Variants in ARPIN observed in about 807,000 individuals in gnomAD.
The protein encoded by ARPIN is actin related protein 2/3 complex inhibitor, also known as UPF0552 protein C15orf38.
ARPIN carries 23 observed loss-of-function variants against 25.9 expected under a neutral mutation model. The observed-to-expected ratio is 0.89, with a 90% CI of 0.64 to 1.26. The LOEUF (loss-of-function observed/expected upper bound fraction) is 1.26. ARPIN is among the 50% of genes most tolerant of loss of function. The pLI is 0.00. For missense variants in ARPIN, 333 were observed against 312.2 expected, an observed-to-expected ratio of 1.07 and a Z score of -0.50; for synonymous variants, 126 against 131.4, an observed-to-expected ratio of 0.96 and a Z score of 0.28.
Position 89,902,887 on chromosome 15 carries a change from G to A in ARPIN, c.672+329C>T, listed in dbSNP as rs1008931237. ...CGCATTCAGTTGTTCAACTGCCTCA[G>A]CATGGTTAATGTATTCACTTGAAGT... On this transcript the variant is annotated intron_variant, in intron 5 of 5. Transcript: ENST00000357484. 6 of 1,250,112 alleles carry A rather than the reference G, an allele frequency of 4.8e-6. No homozygotes were observed. The East Asian group carries it at 2.2e-4, about 45-fold the overall frequency. 77.4% of individuals were successfully genotyped at this position (1,250,112 alleles called of 1,614,324 possible). A position where few individuals can be genotyped will look rare whatever the true frequency, so the allele number is the denominator to read the frequency against.
In ARPIN at chr15:89,912,879, G is replaced by T. The variant is rs1161104319; in HGVS notation, c.-44C>A. 1 of 1,481,338 alleles carries T rather than the reference G, an allele frequency of 6.8e-7. No individual in the cohort carries two copies. The highest frequency in any genetic ancestry group is 8.9e-7 in the Non-Finnish European group (1 of 1,122,714). The allele number at this position is 1,481,338 out of a possible 1,614,324, so 91.8% of individuals were successfully genotyped here. A position where few individuals can be genotyped will look rare whatever the true frequency, so the allele number is the denominator to read the frequency against. On this transcript the variant is annotated 5_prime_UTR_variant, in exon 1 of 6. Coordinates refer to ENST00000357484, the MANE Select transcript of ARPIN (RefSeq NM_182616.4). ...ACCCCGGCACAGAGCCGGCGCACTG[G>T]GCTGGGGGCGCGGCGCGGGAAGTGC...
chr15:89,903,009 C>T, intron 5 of ARPIN: 1 of 1,450,630 alleles, frequency 6.9e-7, no homozygotes. Context: ...AGGTTCAGAG[C>T]CACCTACAAG....
chr15:89,904,009 C>A, intron 3 of ARPIN, 26 bp from the exon 4 acceptor site: 2 of 1,576,810 alleles, frequency 1.3e-6, no homozygotes, highest in Middle Eastern at 1.8e-4. Flanking sequence ...GCAGGAGGGT[C>A]ATTATCACTG....
Position 89,901,362 on chromosome 15 carries a change from A to G in ARPIN, c.*433T>C, listed in dbSNP as rs1897017142. 1.0e-5 allele frequency: 2 copies of G among 199,960 alleles called. No individual in the cohort carries two copies. The highest frequency in any genetic ancestry group is 1.0e-5 in the Non-Finnish European group (1 of 98,732). 12.4% of individuals were successfully genotyped at this position (199,960 alleles called of 1,614,324 possible). The stretch of plus-strand genomic sequence containing the variant: ...GTCTCTCCCACCACCTGCCTCTACA[A>G]ACAAAGCTGCTATCCAGGGCCAGGG... On this transcript the variant is annotated 3_prime_UTR_variant, in exon 6 of 6. Coordinates refer to ENST00000357484, the MANE Select transcript of ARPIN (RefSeq NM_182616.4).
At position 89,912,890 on chromosome 15, in the gene ARPIN, C is replaced by T; in HGVS notation, c.-55G>A. On this transcript the variant is annotated 5_prime_UTR_variant, in exon 1 of 6. Coordinates refer to ENST00000357484, the MANE Select transcript of ARPIN (RefSeq NM_182616.4). The stretch of plus-strand genomic sequence containing the variant: ...GAGCCGGCGCACTGGGCTGGGGGCG[C>T]GGCGCGGGAAGTGCTGCAGGACGCG... 1.4e-6 allele frequency: 2 copies of T among 1,467,930 alleles called. No homozygotes were observed. Among genetic ancestry groups the T allele is most frequent in the Admixed American group, 5.1e-5 (2 of 39,038 alleles). 90.9% of individuals were successfully genotyped at this position (1,467,930 alleles called of 1,614,324 possible). A position where few individuals can be genotyped will look rare whatever the true frequency, so the allele number is the denominator to read the frequency against.
intron 2 of ARPIN, among the ~76,000 whole-genome samples, chr15:89,909,031 C>T (rs577734103): frequency 5.1e-4 from 77 of 152,142 alleles, no homozygotes; most frequent in African/African-American, 1.8e-3. Context: ...GCCCGAGGAC[C>T]GCAAATACCA....
rs1455698206 is a variant in ARPIN, at chr15:89,901,265, T to G, written c.*530A>C. On this transcript the variant is annotated 3_prime_UTR_variant, in exon 6 of 6. Coordinates refer to ENST00000357484, the MANE Select transcript of ARPIN (RefSeq NM_182616.4). The stretch of plus-strand genomic sequence containing the variant: ...AGCCCCGCTAACTTCTCTCAGCTGC[T>G]CTGCATTTAGACAAGGGATATTCCC... 6.2e-6 allele frequency: 1 copy of G among 160,950 alleles called. No individual in the cohort carries two copies. Among genetic ancestry groups the G allele is most frequent in the African/African-American group, 2.4e-5 (1 of 41,510 alleles). The allele number at this position is 160,950 out of a possible 1,614,324, so 10.0% of individuals were successfully genotyped here.
intron 1 of ARPIN, chr15:89,912,414 T>G (rs1897240481): frequency 8.8e-7 from 1 of 1,136,338 alleles, no homozygotes; most frequent in South Asian, 3.1e-5. Context: ...GGCAAGTAGC[T>G]GGAGTTTATA....
chr15:89,910,195 C>T (rs1468172407), intron 2 of ARPIN, among the ~76,000 whole-genome samples: 2 of 152,140 alleles, frequency 1.3e-5, no homozygotes, highest in Non-Finnish European at 2.9e-5. Flanking sequence ...TTTTTAGAGA[C>T]CAAGCTCAGT....
In ARPIN at chr15:89,904,092, G is replaced by C; in HGVS notation, c.302-109C>G. ...GAGTGTTTCCAAGCTCAGTCACCCG[G>C]AGGCTGGGACTCAGTGCCCATTCTG... On this transcript the variant is annotated intron_variant, in intron 3 of 5. Coordinates refer to ENST00000357484, the MANE Select transcript of ARPIN (RefSeq NM_182616.4). The C allele has an allele frequency of 1.0e-5, 14 of 1,350,742 alleles. 4 individuals carry two copies. The South Asian group carries it at 1.5e-4, about 14-fold the overall frequency. 83.7% of individuals were successfully genotyped at this position (1,350,742 alleles called of 1,614,324 possible). A position where few individuals can be genotyped will look rare whatever the true frequency, so the allele number is the denominator to read the frequency against.
chr15:89,904,058 G>T, intron 3 of ARPIN, 75 bp from the exon 4 acceptor site: 1 of 1,505,492 alleles, frequency 6.6e-7, no homozygotes, highest in Non-Finnish European at 8.9e-7. Flanking sequence ...CAGGAGCCAG[G>T]TGAGGGCTGA....
intron 3 of ARPIN, among the ~76,000 whole-genome samples, chr15:89,905,989 C>T (rs1160091403): frequency 6.6e-6 from 1 of 152,124 alleles, no homozygotes; most frequent in African/African-American, 2.4e-5. Context: ...CCCTCCATTT[C>T]CCCAAGTCTG....
At chr15:89,908,005 C>G (rs1897153776) in intron 3 of ARPIN, among the ~76,000 whole-genome samples, 1 of 152,166 alleles carries the variant, frequency 6.6e-6, no homozygotes, top group Non-Finnish European at 1.5e-5. Flanking sequence ...AGTTAGAGCC[C>G]AAAGCCAGGT....
At chr15:89,912,663 T>TTTGGCCC in intron 1 of ARPIN, 81 bp downstream of exon 1, 4 of 871,010 alleles carry the variant, frequency 4.6e-6, no homozygotes, top group East Asian at 1.0e-4. Flanking sequence ...CCCACCCGCA[T>TTTGGCCC]CCCACCCCCC....
chr15:89,896,185 G>A lies in ARPIN; in HGVS notation c.*5610C>T, dbSNP rs967704377. ...ATTACAGGCGTGAGCCACTGCGCCC[G>A]GCATGGCCCAGTTTTTAAATAAATA... On this transcript the variant is annotated 3_prime_UTR_variant, in exon 6 of 6. Coordinates refer to ENST00000357484, the MANE Select transcript of ARPIN (RefSeq NM_182616.4). 1 of 152,082 alleles carries A rather than the reference G, an allele frequency of 6.6e-6. No homozygotes were observed. The highest frequency in any genetic ancestry group is 6.6e-5 in the Admixed American group (1 of 15,246). 9.4% of individuals were successfully genotyped at this position (152,082 alleles called of 1,614,324 possible).
At chr15:89,912,147 C>G (rs1256837) in intron 1 of ARPIN, 737,352 of 962,116 alleles carry the variant, frequency 0.77, 289,910 homozygotes, top group Non-Finnish European at 0.8. Flanking sequence ...TGGTTCAACG[C>G]TTTTATAGGT....
Position 89,898,485 on chromosome 15 carries a change from G to A in ARPIN, c.*3310C>T, listed in dbSNP as rs950419059. 6.6e-6 allele frequency: 1 copy of A among 152,220 alleles called. No individual in the cohort carries two copies. The highest frequency in any genetic ancestry group is 2.1e-4 in the South Asian group (1 of 4,836). The allele number at this position is 152,220 out of a possible 1,614,324, so 9.4% of individuals were successfully genotyped here. ...GAAATACGTAATCATACCCTGTCCT[G>A]AAGAGTTACAGTAAATGTTAGTATA... On this transcript the variant is annotated 3_prime_UTR_variant, in exon 6 of 6. Transcript: ENST00000357484.
chr15:89,902,958 C>T, intron 5 of ARPIN: 1 of 1,411,700 alleles, frequency 7.1e-7, no homozygotes, highest in South Asian at 1.5e-5. Context: ...TCCCTCTGCA[C>T]CCCCTCCTTC....
chr15:89,904,100 G>C, intron 3 of ARPIN, 117 bp from the exon 4 acceptor site: 2 of 1,263,680 alleles, frequency 1.6e-6, no homozygotes, highest in Non-Finnish European at 1.1e-6. Flanking sequence ...CGGAGGCTGG[G>C]ACTCAGTGCC....
Sources: allele counts gnomAD v4.1 joint callset (sites outside exome capture counted in the v4.1 genomes callset), GRCh38; gene constraint gnomAD v4.1.1; transcripts MANE v1.5; gene names NCBI Gene and HGNC (gene_info 2026-07-23, HGNC 2026-07-21).